Variants in ZFAND3 observed in about 807,000 individuals in gnomAD.
The protein encoded by ZFAND3 is zinc finger AN1-type containing 3.
A neutral mutation model predicts 29.6 loss-of-function variants in ZFAND3; 10 were observed. The observed-to-expected ratio is 0.34, with a 90% CI of 0.21 to 0.57. The LOEUF (loss-of-function observed/expected upper bound fraction) is 0.57. Among genes scored for constraint, ZFAND3 ranks in the 20% least tolerant of loss-of-function variants. The pLI is 0.86. For synonymous variants in ZFAND3, 128 were observed against 112.6 expected, an observed-to-expected ratio of 1.14 and a Z score of -0.87; for missense variants, 230 against 304.5, an observed-to-expected ratio of 0.76 and a Z score of 1.82.
intron 2 of ZFAND3, among the ~76,000 whole-genome samples, chr6:37,931,225 C>T (rs934497745): frequency 2.0e-5 from 3 of 152,016 alleles, no homozygotes; most frequent in Admixed American, 1.3e-4. Flanking sequence ...AGTTGTAAGC[C>T]CTTTTTAGTA....
At chr6:38,146,634 A>G (rs1291048750) in intron 5 of ZFAND3, among the ~76,000 whole-genome samples, 5 of 152,204 alleles carry the variant, frequency 3.3e-5, no homozygotes, top group Admixed American at 1.3e-4. Flanking sequence ...GGAGCAGGGT[A>G]GCCAGTCATG....
At chr6:37,908,955 A>G (rs553158975) in intron 1 of ZFAND3, among the ~76,000 whole-genome samples, 5 of 152,130 alleles carry the variant, frequency 3.3e-5, no homozygotes, top group African/African-American at 4.8e-5. Flanking sequence ...AAATAATTTC[A>G]TAAGTTGTGT....
intron 1 of ZFAND3, among the ~76,000 whole-genome samples, chr6:37,851,470 A>C (rs912348417): frequency 6.9e-6 from 1 of 145,930 alleles, no homozygotes; most frequent in Non-Finnish European, 1.5e-5. Context: ...ATAAAAATCA[A>C]ATTCCTTAGT....
chr6:38,015,357 G>T (rs1232196040), intron 2 of ZFAND3, among the ~76,000 whole-genome samples: 6 of 152,194 alleles, frequency 3.9e-5, no homozygotes, highest in Non-Finnish European at 8.8e-5. Flanking sequence ...TGTGGGCTCT[G>T]CTATTGGTGG....
chr6:38,018,825 C>G (rs942240551), intron 2 of ZFAND3, among the ~76,000 whole-genome samples: 4 of 152,186 alleles, frequency 2.6e-5, no homozygotes, highest in African/African-American at 2.4e-5. Context: ...ATTGATGGGT[C>G]AAAGTGTATG....
At chr6:37,892,559 AAAG>A (rs1248554796) in intron 1 of ZFAND3, among the ~76,000 whole-genome samples, 1 of 152,258 alleles carries the variant, frequency 6.6e-6, no homozygotes, top group African/African-American at 2.4e-5. Context: ...TTCACTAGAA[AAAG>A]AAGAGCAAGT....
intron 4 of ZFAND3, among the ~76,000 whole-genome samples, chr6:38,093,628 G>A (rs1337329451): frequency 6.6e-6 from 1 of 152,116 alleles, no homozygotes; most frequent in Non-Finnish European, 1.5e-5. Context: ...CATGAGAAGA[G>A]GGATCAGGAA....
intron 2 of ZFAND3, among the ~76,000 whole-genome samples, chr6:37,940,622 A>G (rs2127416876): frequency 6.6e-6 from 1 of 152,328 alleles, no homozygotes; most frequent in South Asian, 2.1e-4. Flanking sequence ...TAGTACTGGC[A>G]TCTGCTTCTG....
At chr6:37,858,619 A>G (rs1183986837) in intron 1 of ZFAND3, among the ~76,000 whole-genome samples, 2 of 152,232 alleles carry the variant, frequency 1.3e-5, no homozygotes, top group Non-Finnish European at 2.9e-5. Context: ...AGCATTGACT[A>G]TAAAACACAT....
chr6:37,829,428 C>T (rs543566063), intron 1 of ZFAND3, among the ~76,000 whole-genome samples: 3 of 151,876 alleles, frequency 2.0e-5, no homozygotes, highest in South Asian at 4.2e-4. Context: ...CCCAGCTACT[C>T]GGGAAGCTGA....
chr6:38,125,999 T>G (rs1452964654), intron 5 of ZFAND3, among the ~76,000 whole-genome samples: 1 of 152,212 alleles, frequency 6.6e-6, no homozygotes, highest in Non-Finnish European at 1.5e-5. Context: ...TTTAGTAGAT[T>G]TGTGTAAGTT....
chr6:38,017,711 AG>A (rs1763276257), intron 2 of ZFAND3, among the ~76,000 whole-genome samples: 2 of 152,088 alleles, frequency 1.3e-5, no homozygotes, highest in African/African-American at 2.4e-5. Context: ...AAAAAAAAAA[AG>A]AATCATATAT....
intron 3 of ZFAND3, among the ~76,000 whole-genome samples, chr6:38,074,153 G>A (rs1340224615): frequency 6.6e-6 from 1 of 152,116 alleles, no homozygotes; most frequent in Non-Finnish European, 1.5e-5. Flanking sequence ...GTCCCTCTTA[G>A]GGCATCCATG....
chr6:38,087,339 C>T (rs892847791), intron 4 of ZFAND3, among the ~76,000 whole-genome samples: 1 of 152,024 alleles, frequency 6.6e-6, no homozygotes, highest in Non-Finnish European at 1.5e-5. Context: ...TGGACAAATG[C>T]GATCACATCA....
rs1353496758 is a variant in ZFAND3 at position 37,923,191 on chromosome 6, ATCCT to A, written c.72-6761_72-6758del. Among the ~76,000 whole-genome samples the A allele has an allele frequency of 3.3e-5, 5 of 152,280 alleles. 1 individual carries two copies. Among genetic ancestry groups the A allele is most frequent in the Admixed American group, 2.6e-4 (4 of 15,308 alleles). ...GACTCAAAAGTCCTGGGCTTAAGTG[ATCCT>A]TCCTTCTCAGCATCCTGAGTAGCTG... On this transcript the variant is annotated intron_variant, in intron 1 of 5. Coordinates refer to ENST00000287218, the MANE Select transcript of ZFAND3 (RefSeq NM_021943.3).
At chr6:37,874,714 A>G (rs371762697) in intron 1 of ZFAND3, among the ~76,000 whole-genome samples, 9 of 152,078 alleles carry the variant, frequency 5.9e-5, no homozygotes, top group East Asian at 3.9e-4. Context: ...TAGGGGAGGG[A>G]CACAATTCAA....
chr6:37,871,634 CATT>C (rs1764696863), intron 1 of ZFAND3, among the ~76,000 whole-genome samples: 2 of 152,156 alleles, frequency 1.3e-5, no homozygotes, highest in African/African-American at 2.4e-5. Flanking sequence ...AAGATACTAA[CATT>C]AGAGAAAACC....
At chr6:37,933,616 T>C (rs1761637675) in intron 2 of ZFAND3, among the ~76,000 whole-genome samples, 4 of 152,230 alleles carry the variant, frequency 2.6e-5, no homozygotes, top group Non-Finnish European at 1.5e-5. Flanking sequence ...CAAATTATAA[T>C]GCTTCTGTGT....
intron 1 of ZFAND3, among the ~76,000 whole-genome samples, chr6:37,857,902 A>G (rs572928075): frequency 6.6e-5 from 10 of 152,286 alleles, no homozygotes; most frequent in African/African-American, 2.4e-4. Flanking sequence ...GTTATGAGGA[A>G]GAGATGTTAA....
Sources: gnomAD v4.1 joint callset for allele counts (sites outside exome capture counted in the v4.1 genomes callset) on GRCh38, gnomAD v4.1.1 for gene constraint, MANE v1.5 for transcripts, NCBI Gene and HGNC (gene_info 2026-07-23, HGNC 2026-07-21) for gene names.